Variants in MNS1 observed in about 807,000 individuals in gnomAD.
MNS1 encodes meiosis specific nuclear structural 1, also known as meiosis-specific nuclear structural protein 1.
Under a neutral mutation model 72.0 loss-of-function variants are expected in MNS1, and 63 were observed. The observed-to-expected ratio is 0.87, with a 90% CI of 0.71 to 1.08. The LOEUF (loss-of-function observed/expected upper bound fraction) is 1.08. MNS1 is among the 50% of genes least tolerant of loss of function. The pLI, the probability that MNS1 is intolerant of heterozygous loss-of-function variation, is 0.00. For synonymous variants in MNS1, 188 were observed against 172.1 expected (o/e 1.09, Z -0.72); for missense variants, 604 against 562.4 (o/e 1.07, Z -0.75).
chr15:56,456,169 AG>A (rs1266060623), intron 3 of MNS1, among the ~76,000 whole-genome samples: 4 of 152,106 alleles, frequency 2.6e-5, no homozygotes, highest in African/African-American at 9.7e-5. Flanking sequence ...AGGAAAGAGC[AG>A]GGGGACTGAT....
intron 7 of MNS1, among the ~76,000 whole-genome samples, chr15:56,437,221 A>C (rs1299270905): frequency 1.3e-5 from 2 of 152,216 alleles, no homozygotes; most frequent in Admixed American, 1.3e-4. Flanking sequence ...CCGCAATAAA[A>C]TACTGGCAAA....
intron 7 of MNS1, 116 bp from the exon 8 acceptor site, chr15:56,434,511 A>G: frequency 9.0e-7 from 1 of 1,106,698 alleles, no homozygotes; most frequent in Non-Finnish European, 1.3e-6. Flanking sequence ...ATACAAACTG[A>G]AAAAGTAAGG....
chr15:56,447,015 T>A, intron 3 of MNS1, 72 bp from the exon 4 acceptor site: 1 of 1,013,576 alleles, frequency 9.9e-7, no homozygotes, highest in Non-Finnish European at 1.5e-6. Context: ...GAAAACTGAG[T>A]AACTGTATTT....
At chr15:56,438,849 T>G (rs1450173900) in intron 7 of MNS1, among the ~76,000 whole-genome samples, 2 of 152,266 alleles carry the variant, frequency 1.3e-5, no homozygotes, top group South Asian at 2.1e-4. Flanking sequence ...TAGACACTTC[T>G]CAAAAGAAGA....
intron 9 of MNS1, chr15:56,429,954 T>G (rs1278548999): frequency 2.0e-5 from 3 of 152,218 alleles, no homozygotes; most frequent in African/African-American, 7.2e-5. Context: ...TGAAATGTAT[T>G]AATTACATAT....
At chr15:56,446,541 CATG>C (rs1255604670) in intron 4 of MNS1, among the ~76,000 whole-genome samples, 1 of 151,962 alleles carries the variant, frequency 6.6e-6, no homozygotes, top group Non-Finnish European at 1.5e-5. Flanking sequence ...ATACACTTAT[CATG>C]GTAACAATTT....
rs185516794 is a variant in MNS1, at chr15:56,457,639, T to C, written c.226-1118A>G. Among the ~76,000 whole-genome samples, 247 of 152,026 alleles carry C rather than the reference T, an allele frequency of 1.6e-3. 2 individuals carry two copies. Among genetic ancestry groups the C allele is most frequent in the African/African-American group, 5.5e-3 (226 of 41,462 alleles). On this transcript the variant is annotated intron_variant, in intron 2 of 9. Coordinates refer to ENST00000260453, the MANE Select transcript of MNS1 (RefSeq NM_018365.4). ...GAGTTTGAGACCAGCCTGGGCAACATAGAGAGGTGCTGTCCTTACAGAAAA... is the reference window on the plus strand; with the variant it reads ...GAGTTTGAGACCAGCCTGGGCAACACAGAGAGGTGCTGTCCTTACAGAAAA...
intron 7 of MNS1, among the ~76,000 whole-genome samples, chr15:56,437,705 A>C (rs1695685893): frequency 6.6e-6 from 1 of 152,214 alleles, no homozygotes; most frequent in Non-Finnish European, 1.5e-5. Context: ...ATGATTGTAT[A>C]TTTAGAAAAC....
At chr15:56,431,958 A>G (rs561386762) in intron 8 of MNS1, among the ~76,000 whole-genome samples, 3 of 152,232 alleles carry the variant, frequency 2.0e-5, no homozygotes, top group South Asian at 2.1e-4. Flanking sequence ...ATTTCTTAGG[A>G]AAGTGCTCAC....
chr15:56,436,877 C>T (rs1228212472), intron 7 of MNS1, among the ~76,000 whole-genome samples: 1 of 152,140 alleles, frequency 6.6e-6, no homozygotes, highest in African/African-American at 2.4e-5. Flanking sequence ...TTCCTGGACA[C>T]ATACACCCTC....
chr15:56,464,388 A>T, intron 1 of MNS1, 141 bp from the exon 2 acceptor site: 2 of 637,578 alleles, frequency 3.1e-6, no homozygotes, highest in South Asian at 4.0e-5. Context: ...ACCGAATAAA[A>T]AGTAAACGTG....
At chr15:56,437,528 T>C (rs538925921) in intron 7 of MNS1, among the ~76,000 whole-genome samples, 4 of 152,260 alleles carry the variant, frequency 2.6e-5, no homozygotes, top group African/African-American at 9.6e-5. Flanking sequence ...GGGCAAAAAC[T>C]GGAAGCATTC....
intron 7 of MNS1, among the ~76,000 whole-genome samples, chr15:56,442,883 C>T (rs2050842686): frequency 6.6e-6 from 1 of 151,502 alleles, no homozygotes; most frequent in Non-Finnish European, 1.5e-5. Context: ...CCTCCTGAAC[C>T]TAAAGTAAAA....
intron 2 of MNS1, 35 bp downstream of exon 2, chr15:56,463,991 T>G (rs1238356948): frequency 1.3e-6 from 2 of 1,543,032 alleles, no homozygotes; most frequent in African/African-American, 2.8e-5. Context: ...AGGTGCAAAA[T>G]GAAAAAAAAA....
At chr15:56,436,450 T>C (rs972610264) in intron 7 of MNS1, among the ~76,000 whole-genome samples, 3 of 152,066 alleles carry the variant, frequency 2.0e-5, no homozygotes, top group African/African-American at 4.8e-5. Flanking sequence ...GGGACACATT[T>C]AAAGCAGTGT....
chr15:56,456,953 C>T (rs1267040416), intron 2 of MNS1, among the ~76,000 whole-genome samples: 1 of 152,114 alleles, frequency 6.6e-6, no homozygotes, highest in African/African-American at 2.4e-5. Context: ...ATGTCATCAA[C>T]ACGTCTAATT....
chr15:56,443,551 T>A lies in MNS1; in HGVS notation c.904-14A>T, dbSNP rs549928564. ...TTTCTGTGTCAACTATTAAATTTTT[T>A]AAAAAACATAAATATTTATAGGATC... On this transcript the variant is annotated splice_polypyrimidine_tract_variant and intron_variant, in intron 6 of 9. Transcript: ENST00000260453. The A allele has an allele frequency of 5.2e-5, 82 of 1,572,432 alleles. No individual in the cohort carries two copies. Among genetic ancestry groups the A allele is most frequent in the South Asian group, 4.8e-4 (40 of 83,104 alleles).
Position 56,442,910 on chromosome 15 carries a change from GA to G in MNS1, c.1011+519del, listed in dbSNP as rs879742910. On this transcript the variant is annotated intron_variant, in intron 7 of 9. Coordinates refer to ENST00000260453, the MANE Select transcript of MNS1 (RefSeq NM_018365.4). ...AAAGTAAAAGTTGGAAAGAGAAAAA[GA>G]AAAAAAAAAAAATCTTGAACTCTGA... 7.5e-3 allele frequency among the ~76,000 whole-genome samples: 1,043 copies of G among 139,992 alleles called. 8 individuals carry two copies. Among genetic ancestry groups the G allele is most frequent in the African/African-American group, 0.018 (693 of 38,522 alleles). The allele number at this position is 139,992 out of a possible 152,430, so 91.8% of individuals were successfully genotyped here. A position where few individuals can be genotyped will look rare whatever the true frequency, so the allele number is the denominator to read the frequency against.
intron 2 of MNS1, among the ~76,000 whole-genome samples, chr15:56,461,660 CAAAAAA>C (rs11294380): frequency 1.8e-5 from 1 of 57,088 alleles, no homozygotes; most frequent in Non-Finnish European, 3.2e-5. Flanking sequence ...GACTCTGTCT[CAAAAAA>C]AAAAAAAAAA....
Sources: allele counts gnomAD v4.1 joint callset (sites outside exome capture counted in the v4.1 genomes callset), GRCh38; gene constraint gnomAD v4.1.1; transcripts MANE v1.5; gene names NCBI Gene and HGNC (gene_info 2026-07-23, HGNC 2026-07-21).